Variants in AARSD1 observed in about 807,000 individuals in gnomAD.
The protein encoded by AARSD1 is alanyl-tRNA editing protein Aarsd1.
AARSD1 carries 44 observed loss-of-function variants against 48.7 expected under a neutral mutation model. The observed-to-expected ratio is 0.90, with a 90% CI of 0.71 to 1.16. The LOEUF is 1.16. Ranked by LOEUF, AARSD1 falls within the 50% of genes most tolerant of loss-of-function variation. AARSD1 has a pLI of 0.00. For synonymous variants in AARSD1, 189 were observed against 194.9 expected (o/e 0.97, Z 0.25); for missense variants, 511 against 523.1 (o/e 0.98, Z 0.23).
At chr17:42,956,176 A>G in intron 6 of AARSD1, 28 bp downstream of exon 6, 1 of 1,613,580 alleles carries the variant, frequency 6.2e-7, no homozygotes, top group Non-Finnish European at 8.5e-7. Context: ...CCCTCTTCTC[A>G]GCCACTCCAC....
intron 2 of AARSD1, among the ~76,000 whole-genome samples, chr17:42,961,664 C>T (rs1416392397): frequency 6.6e-6 from 1 of 152,154 alleles, no homozygotes; most frequent in African/African-American, 2.4e-5. Context: ...CTTTTGTAGT[C>T]TCTAAAATGA....
At chr17:42,953,923 T>C in intron 9 of AARSD1, 145 bp from the exon 10 acceptor site, 1 of 1,011,206 alleles carries the variant, frequency 9.9e-7, no homozygotes, top group Non-Finnish European at 1.5e-6. Flanking sequence ...GAGTACTGGC[T>C]GAAAGCCAGC....
At chr17:42,953,053 C>A (rs2049500420) in intron 10 of AARSD1, among the ~76,000 whole-genome samples, 1 of 152,190 alleles carries the variant, frequency 6.6e-6, no homozygotes, top group African/African-American at 2.4e-5. Context: ...AATCTCAGCT[C>A]ACTGCAACCT....
At position 42,955,947 on chromosome 17, in the gene AARSD1, T is replaced by A; in HGVS notation, c.689A>T (p.Lys230Met). The change falls in exon 7 of 12, where the codon AAG becomes ATG. Residue 230 changes from lysine (K) to methionine (M), a missense_variant. Transcript: ENST00000427569. ...CAGGTTGGTTCTGTTCTTTTTCCCCTTCTCAGTGCCCAGAATCTTAATGAC... is the reference window on the plus strand; with the variant it reads ...CAGGTTGGTTCTGTTCTTTTTCCCCATCTCAGTGCCCAGAATCTTAATGAC... ...LQVIKILGTEKGKKNRTNLIF... is the reference protein window; with the variant it reads ...LQVIKILGTEMGKKNRTNLIF... 6.2e-7 allele frequency: 1 copy of A among 1,614,064 alleles called. No homozygotes were observed. Among genetic ancestry groups the A allele is most frequent in the South Asian group, 1.1e-5 (1 of 91,076 alleles).
At chr17:42,962,562 G>C (rs1284602569) in intron 2 of AARSD1, among the ~76,000 whole-genome samples, 1 of 152,178 alleles carries the variant, frequency 6.6e-6, no homozygotes, top group Non-Finnish European at 1.5e-5. Context: ...CTTCCTGAAA[G>C]AAATGCTGTC....
intron 2 of AARSD1, among the ~76,000 whole-genome samples, chr17:42,961,887 C>T (rs536287795): frequency 6.6e-6 from 1 of 152,062 alleles, no homozygotes; most frequent in Non-Finnish European, 1.5e-5. Context: ...ATGATACTCC[C>T]TGCTACTTGG....
At position 42,964,447 on chromosome 17, in the gene AARSD1, A is replaced by C; in HGVS notation, c.-7T>G. The C allele has an allele frequency of 8.4e-6, 13 of 1,550,716 alleles. No homozygotes were observed. The highest frequency in any genetic ancestry group is 1.1e-5 in the Non-Finnish European group (13 of 1,147,022). ...GCTGACACCAGAACGCCATACCTGC[A>C]GGCGTGTGAGGAGGCGCACGCGCAG... On this transcript the variant is annotated 5_prime_UTR_variant, in exon 1 of 12. Transcript: ENST00000427569.
At chr17:42,957,705 A>C (rs2049578925) in intron 3 of AARSD1, among the ~76,000 whole-genome samples, 1 of 152,070 alleles carries the variant, frequency 6.6e-6, no homozygotes, top group South Asian at 2.1e-4. Flanking sequence ...TCTTGACCTC[A>C]AGTGATCCAC....
In AARSD1 at chr17:42,953,719, C is replaced by CT; in HGVS notation, c.1008+4dup. On this transcript the variant is annotated splice_donor_region_variant and intron_variant, in intron 10 of 11. Transcript: ENST00000427569. The stretch of plus-strand genomic sequence containing the variant: ...CCGGGGTAGAGAATCTCATGCTCCT[C>CT]TTACCTCTGACCCAATCTCATTGGC... 3 of 1,614,194 alleles carry CT rather than the reference C, an allele frequency of 1.9e-6. No homozygotes were observed. Among genetic ancestry groups the CT allele is most frequent in the Non-Finnish European group, 2.5e-6 (3 of 1,180,020 alleles).
At position 42,964,403 on chromosome 17, in the gene AARSD1, T is replaced by A. The variant is rs1234018842; in HGVS notation, c.38A>T (p.Glu13Val). The A allele has an allele frequency of 1.3e-6, 2 of 1,551,594 alleles. No individual in the cohort carries two copies. The highest frequency in any genetic ancestry group is 2.7e-5 in the African/African-American group (2 of 73,096). ...FWCQRDSYAR[E>V]FTTTVVSCCP... The stretch of plus-strand genomic sequence containing the variant: ...AAGTGCCTCGCCGTGACGCCGTACC[T>A]CTCGGGCATAACTGTCACGCTGACA... Residue 13 changes from glutamate (E) to valine (V), a missense_variant and splice_region_variant, in exon 1 of 12, where the codon GAG becomes GTG. Physicochemically the swap from Glu to Val is moderately radical, Grantham distance 121 (BLOSUM62 -2). Coordinates refer to ENST00000427569, the MANE Select transcript of AARSD1 (RefSeq NM_001261434.2).
chr17:42,961,133 C>T (rs1432148819), intron 3 of AARSD1, 59 bp downstream of exon 3: 2 of 1,546,922 alleles, frequency 1.3e-6, no homozygotes, highest in Non-Finnish European at 1.7e-6. Context: ...TCTCAGTCAT[C>T]ACAGCATCCC....
chr17:42,961,010 C>T lies in AARSD1; in HGVS notation c.331+182G>A, dbSNP rs190336247. 4 of 1,013,914 alleles carry T rather than the reference C, an allele frequency of 3.9e-6. No homozygotes were observed. The African/African-American group carries it at 5.0e-5, about 13-fold the overall frequency. 62.8% of individuals were successfully genotyped at this position (1,013,914 alleles called of 1,614,324 possible). A position where few individuals can be genotyped will look rare whatever the true frequency, so the allele number is the denominator to read the frequency against. ...GCAGTTATTCTAATACTTTTTTTTA[C>T]TTCAGTTGTTCATGTTGCTGTTATA... is the stretch of plus-strand genomic sequence containing the variant. On this transcript the variant is annotated intron_variant, in intron 3 of 11. Coordinates refer to ENST00000427569, the MANE Select transcript of AARSD1 (RefSeq NM_001261434.2).
At chr17:42,956,768 C>T (rs368298691) in intron 4 of AARSD1, among the ~76,000 whole-genome samples, 7 of 135,172 alleles carry the variant, frequency 5.2e-5, no homozygotes, top group African/African-American at 1.9e-4. Flanking sequence ...CCCGGGTTCA[C>T]GCCATTCACC....
intron 10 of AARSD1, among the ~76,000 whole-genome samples, chr17:42,952,936 C>A (rs1023019413): frequency 6.6e-6 from 1 of 151,902 alleles, no homozygotes; most frequent in Non-Finnish European, 1.5e-5. Context: ...GCCTCAACCT[C>A]CCAAGTAGCT....
chr17:42,953,636 G>A (rs2049507841), intron 10 of AARSD1, 88 bp downstream of exon 10: 1 of 1,556,988 alleles, frequency 6.4e-7, no homozygotes, highest in South Asian at 1.1e-5. Flanking sequence ...TGTTCATGTG[G>A]AGGGACTTTG....
At chr17:42,953,996 A>C in intron 9 of AARSD1, 1 of 589,098 alleles carries the variant, frequency 1.7e-6, no homozygotes, top group South Asian at 2.0e-5. Context: ...CATCTCCCTT[A>C]AATAGGATTC....
Position 42,957,127 on chromosome 17 carries a change from CT to C in AARSD1, c.389+10del, listed in dbSNP as rs2049568497. 6.2e-7 allele frequency: 1 copy of C among 1,613,322 alleles called. No homozygotes were observed. The highest frequency in any genetic ancestry group is 1.1e-5 in the South Asian group (1 of 91,048). On this transcript the variant is annotated intron_variant, in intron 4 of 11. Coordinates refer to ENST00000427569, the MANE Select transcript of AARSD1 (RefSeq NM_001261434.2). ...GGCCTGCCTACAGTTAGTCTTATGC[CT>C]CCCACTCACCATGATGTTGTCTTCA...
At chr17:42,964,005 CT>C in intron 2 of AARSD1, 100 bp downstream of exon 2, 1 of 1,545,694 alleles carries the variant, frequency 6.5e-7, no homozygotes, top group South Asian at 1.2e-5. Context: ...TAAACTAAAG[CT>C]CATCTGAATT....
At chr17:42,958,840 T>C (rs1184585023) in intron 3 of AARSD1, among the ~76,000 whole-genome samples, 1 of 151,338 alleles carries the variant, frequency 6.6e-6, no homozygotes, top group Non-Finnish European at 1.5e-5. Context: ...GTGCCTGGGA[T>C]TACAGGCATG....
Sources: allele counts gnomAD v4.1 joint callset (sites outside exome capture counted in the v4.1 genomes callset), GRCh38; gene constraint gnomAD v4.1.1; transcripts MANE v1.5; gene names NCBI Gene and HGNC (gene_info 2026-07-23, HGNC 2026-07-21).